Variants in MCU observed in about 807,000 individuals in gnomAD.
MCU encodes the protein calcium uniporter protein, mitochondrial.
In MCU, 12 loss-of-function variants were observed where a neutral mutation model predicts 45.2. That is an observed-to-expected ratio of 0.27 (90% CI 0.17 to 0.43). MCU has a LOEUF of 0.43. MCU is among the 20% of genes least tolerant of loss of function. The probability of loss-of-function intolerance (pLI) is 1.00; values close to 1 mark genes in which losing one functional copy is unlikely to be tolerated. For synonymous variants in MCU, 160 were observed against 165.1 expected (o/e 0.97, Z 0.24); for missense variants, 324 against 436.7 (o/e 0.74, Z 2.30).
chr10:72,871,243 G>T, intron 5 of MCU, 134 bp from the exon 6 acceptor site: 1 of 790,222 alleles, frequency 1.3e-6, no homozygotes, highest in Non-Finnish European at 2.1e-6. Flanking sequence ...TATTTAGGAA[G>T]ACAAGCTATA....
At chr10:72,861,791 C>A in intron 4 of MCU, 1 of 283,798 alleles carries the variant, frequency 3.5e-6, no homozygotes, top group South Asian at 2.8e-5. Flanking sequence ...GTCACCGCAC[C>A]CAGCAAGATA....
At chr10:72,867,049 C>T (rs1184198228) in intron 4 of MCU, among the ~76,000 whole-genome samples, 1 of 148,532 alleles carries the variant, frequency 6.7e-6, no homozygotes, top group Non-Finnish European at 1.5e-5. Flanking sequence ...CACACATTTA[C>T]TGAGGCATAC....
At chr10:72,778,950 C>T (rs189304493) in intron 1 of MCU, among the ~76,000 whole-genome samples, 2 of 152,022 alleles carry the variant, frequency 1.3e-5, no homozygotes, top group Admixed American at 6.6e-5. Context: ...GGAATAGAAT[C>T]GAGAATTCAG....
chr10:72,721,223 C>G (rs1196359353), intron 1 of MCU: 1 of 154,126 alleles, frequency 6.5e-6, no homozygotes, highest in East Asian at 1.9e-4. Context: ...CAGAAGGAGA[C>G]TTATTCAGTA....
chr10:72,816,149 C>T (rs183908378), intron 1 of MCU, among the ~76,000 whole-genome samples: 17 of 151,884 alleles, frequency 1.1e-4, no homozygotes, highest in African/African-American at 3.1e-4. Flanking sequence ...CCAGCCTGGG[C>T]GACAGAGTGA....
chr10:72,815,011 C>G (rs1480342983), intron 1 of MCU, among the ~76,000 whole-genome samples: 1 of 152,086 alleles, frequency 6.6e-6, no homozygotes, highest in African/African-American at 2.4e-5. Flanking sequence ...AGAGACATGG[C>G]TAAGAGGCTT....
At chr10:72,714,609 A>G (rs912565626) in intron 1 of MCU, among the ~76,000 whole-genome samples, 1 of 151,814 alleles carries the variant, frequency 6.6e-6, no homozygotes, top group Non-Finnish European at 1.5e-5. Flanking sequence ...CAATGGCATG[A>G]TCTCAGCTCA....
chr10:72,885,888 A>G lies in MCU; in HGVS notation c.*66A>G. 2.2e-6 allele frequency: 3 copies of G among 1,346,628 alleles called. No individual in the cohort carries two copies. The highest frequency in any genetic ancestry group is 3.2e-6 in the Non-Finnish European group (3 of 941,314). The allele number at this position is 1,346,628 out of a possible 1,614,324, so 83.4% of individuals were successfully genotyped here. On this transcript the variant is annotated 3_prime_UTR_variant, in exon 8 of 8. Transcript: ENST00000373053. Reference sequence around the variant, plus strand: ...TTTGCCTTTTTAATTAAAGCATTGCAGGTGGAAGCTGGGAGCCATGTGGGG... The same window carrying G: ...TTTGCCTTTTTAATTAAAGCATTGCGGGTGGAAGCTGGGAGCCATGTGGGG...
chr10:72,848,716 A>G (rs1038284359), intron 2 of MCU, among the ~76,000 whole-genome samples: 1 of 121,650 alleles, frequency 8.2e-6, no homozygotes, highest in Non-Finnish European at 1.9e-5. Flanking sequence ...GTGTATTGAG[A>G]TATATGTTTG....
intron 1 of MCU, among the ~76,000 whole-genome samples, chr10:72,800,851 G>A (rs370625464): frequency 2.0e-5 from 3 of 152,090 alleles, no homozygotes; most frequent in East Asian, 1.9e-4. Context: ...GGCCTAGCAC[G>A]GTGGCTCACA....
intron 6 of MCU, among the ~76,000 whole-genome samples, chr10:72,880,296 T>A (rs956732370): frequency 3.3e-5 from 5 of 152,052 alleles, no homozygotes; most frequent in African/African-American, 1.2e-4. Flanking sequence ...ACAGAAGAAA[T>A]GTACAGATAA....
At chr10:72,853,569 A>G (rs1420309417) in intron 2 of MCU, among the ~76,000 whole-genome samples, 1 of 152,238 alleles carries the variant, frequency 6.6e-6, no homozygotes, top group African/African-American at 2.4e-5. Flanking sequence ...GGTAGCAGAC[A>G]GAAAAAAATA....
chr10:72,863,328 C>G (rs1564577949), intron 4 of MCU, among the ~76,000 whole-genome samples: 1 of 152,164 alleles, frequency 6.6e-6, no homozygotes, highest in Non-Finnish European at 1.5e-5. Context: ...TTTGTATTCC[C>G]CATTGATTCC....
intron 1 of MCU, among the ~76,000 whole-genome samples, chr10:72,761,216 T>TGTAA (rs1843652302): frequency 1.3e-5 from 2 of 152,210 alleles, no homozygotes; most frequent in Admixed American, 1.3e-4. Flanking sequence ...TTTAAACCTG[T>TGTAA]GTAAATGCTA....
intron 1 of MCU, among the ~76,000 whole-genome samples, chr10:72,713,902 C>T (rs1376651084): frequency 6.6e-6 from 1 of 150,458 alleles, no homozygotes; most frequent in Non-Finnish European, 1.5e-5. Context: ...TTTTTATATT[C>T]CGGACACACA....
chr10:72,714,048 C>T (rs577366572), intron 1 of MCU, among the ~76,000 whole-genome samples: 1 of 151,228 alleles, frequency 6.6e-6, no homozygotes, highest in South Asian at 2.1e-4. Context: ...CTCACTGCAA[C>T]CTCCGCATCC....
chr10:72,884,411 C>A, intron 7 of MCU, 29 bp downstream of exon 7: 1 of 1,252,146 alleles, frequency 8.0e-7, no homozygotes, highest in Non-Finnish European at 1.2e-6. Context: ...AAAATAAATC[C>A]CAGCCCTATC....
chr10:72,850,975 A>G (rs1589495868), intron 2 of MCU, among the ~76,000 whole-genome samples: 1 of 152,354 alleles, frequency 6.6e-6, no homozygotes, highest in East Asian at 1.9e-4. Context: ...CGCTACAGCC[A>G]GCTGTTTATT....
intron 1 of MCU, among the ~76,000 whole-genome samples, chr10:72,697,948 ATTTTTT>A (rs35739882): frequency 6.9e-6 from 1 of 145,628 alleles, no homozygotes. Flanking sequence ...CATAAAAAGA[ATTTTTT>A]TTTTTTTTGG....
Sources: allele counts gnomAD v4.1 joint callset (sites outside exome capture counted in the v4.1 genomes callset), GRCh38; gene constraint gnomAD v4.1.1; transcripts MANE v1.5; gene names NCBI Gene and HGNC (gene_info 2026-07-23, HGNC 2026-07-21).